PTPRD: variants seen among roughly 807,000 people sequenced by gnomAD.
The protein encoded by PTPRD is receptor-type tyrosine-protein phosphatase delta.
In PTPRD, 34 loss-of-function variants were observed where a neutral mutation model predicts 214.5. The observed-to-expected ratio is 0.16, with a 90% CI of 0.12 to 0.21. The LOEUF is 0.21. Ranked by LOEUF, PTPRD falls within the 10% of genes least tolerant of loss-of-function variation. The pLI is 1.00. For synonymous variants in PTPRD, 1,128 were observed against 845.7 expected (o/e 1.33, Z -5.79); for missense variants, 2,545 against 2,398.7 (o/e 1.06, Z -1.27).
intron 7 of PTPRD, among the ~76,000 whole-genome samples, chr9:9,648,600 G>A (rs970896340): frequency 1.3e-5 from 2 of 152,120 alleles, no homozygotes; most frequent in Non-Finnish European, 2.9e-5. Context: ...TCATGTGGGT[G>A]GTGATATATT....
chr9:10,344,896 C>T (rs1019570432), intron 2 of PTPRD, among the ~76,000 whole-genome samples: 1 of 152,134 alleles, frequency 6.6e-6, no homozygotes, highest in East Asian at 1.9e-4. Flanking sequence ...ATAATTTTCT[C>T]ATGCCTTGCT....
intron 3 of PTPRD, among the ~76,000 whole-genome samples, chr9:10,301,651 A>C (rs1041350633): frequency 1.3e-5 from 2 of 152,194 alleles, no homozygotes; most frequent in Admixed American, 1.3e-4. Flanking sequence ...AAACTGATCA[A>C]GGGGAAAAAA....
In PTPRD at chr9:8,463,308, CAAAAAAAAAAAAAAAA is replaced by C. The variant is rs71308864; in HGVS notation, c.3714+2142_3714+2157del. Reference sequence around the variant, plus strand: ...TATGTCCAAGCTTCTCAGAGGCAGCCAAAAAAAAAAAAAAAAAAAAAAAAAAGATGTGTATGGTATG... The same window carrying C: ...TATGTCCAAGCTTCTCAGAGGCAGCCAAAAAAAAAAGATGTGTATGGTATG... On this transcript the variant is annotated intron_variant, in intron 32 of 45. Coordinates refer to ENST00000381196, the MANE Select transcript of PTPRD (RefSeq NM_002839.4). Among the ~76,000 whole-genome samples, 198 of 28,866 alleles carry C rather than the reference CAAAAAAAAAAAAAAAA, an allele frequency of 6.9e-3. 5 individuals carry two copies. The East Asian group carries it at 0.15, about 21-fold the overall frequency. 18.9% of individuals were successfully genotyped at this position (28,866 alleles called of 152,430 possible).
chr9:8,318,801 T>C (rs1031719510), intron 45 of PTPRD, among the ~76,000 whole-genome samples: 5 of 151,990 alleles, frequency 3.3e-5, no homozygotes, highest in African/African-American at 1.2e-4. Context: ...AATTGAAGCA[T>C]TGTTGGAGAG....
chr9:10,209,210 T>C (rs1017791922), intron 3 of PTPRD, among the ~76,000 whole-genome samples: 1 of 152,058 alleles, frequency 6.6e-6, no homozygotes, highest in Non-Finnish European at 1.5e-5. Flanking sequence ...GAGTCCATAA[T>C]AGCAAGGATT....
chr9:8,326,212 T>A (rs992755814), intron 44 of PTPRD, among the ~76,000 whole-genome samples: 1 of 152,240 alleles, frequency 6.6e-6, no homozygotes, highest in South Asian at 2.1e-4. Flanking sequence ...GCGTTTGTCA[T>A]AAATAGCTCT....
Position 9,251,232 on chromosome 9 carries a change from G to A in PTPRD, c.-202-67869C>T, listed in dbSNP as rs182620869. ...TGGATCCAAGCCAGGTTGCCTTGCT[G>A]AGCATCATTGTGAGATTGACTGGCA... On this transcript the variant is annotated intron_variant, in intron 9 of 45. Coordinates refer to ENST00000381196, the MANE Select transcript of PTPRD (RefSeq NM_002839.4). Among the ~76,000 whole-genome samples the A allele has an allele frequency of 2.5e-3, 374 of 152,156 alleles. No individual in the cohort carries two copies. In the Middle Eastern group the frequency reaches 0.044, roughly 18 times the overall value.
chr9:9,215,747 T>A (rs1431380222), intron 9 of PTPRD, among the ~76,000 whole-genome samples: 1 of 152,186 alleles, frequency 6.6e-6, no homozygotes, highest in African/African-American at 2.4e-5. Context: ...CTTTCTTCAT[T>A]CCATCGTACA....
chr9:8,818,182 T>A (rs2096961253), intron 11 of PTPRD, among the ~76,000 whole-genome samples: 1 of 151,594 alleles, frequency 6.6e-6, no homozygotes, highest in Middle Eastern at 3.2e-3. Context: ...TTTAAAGCTT[T>A]GGAAAATATC....
chr9:10,193,378 TG>T (rs2099382655), intron 3 of PTPRD, among the ~76,000 whole-genome samples: 1 of 152,022 alleles, frequency 6.6e-6, no homozygotes, highest in African/African-American at 2.4e-5. Context: ...GCGGTTGGGC[TG>T]GGATGAAGGA....
At chr9:10,018,063 C>T (rs531270102) in intron 4 of PTPRD, among the ~76,000 whole-genome samples, 2 of 152,044 alleles carry the variant, frequency 1.3e-5, no homozygotes, top group African/African-American at 2.4e-5. Context: ...TGACTCTTTA[C>T]TTTTGATTAG....
intron 10 of PTPRD, among the ~76,000 whole-genome samples, chr9:9,170,766 A>C (rs1592845211): frequency 6.6e-6 from 1 of 152,220 alleles, no homozygotes; most frequent in African/African-American, 2.4e-5. Context: ...ACCTAGAGAA[A>C]CAAGTAGGAA....
intron 5 of PTPRD, among the ~76,000 whole-genome samples, chr9:9,857,297 G>T (rs2061738162): frequency 6.6e-6 from 1 of 152,164 alleles, no homozygotes; most frequent in Non-Finnish European, 1.5e-5. Flanking sequence ...CTTGTTACCA[G>T]GGTGTGAAGC....
rs1346677529 is a variant in PTPRD, at chr9:8,314,332, T to A, written c.*3542A>T. On this transcript the variant is annotated 3_prime_UTR_variant, in exon 46 of 46. Coordinates refer to ENST00000381196, the MANE Select transcript of PTPRD (RefSeq NM_002839.4). Reference sequence around the variant, plus strand: ...GAACTGATTTTCATACAGACTTCTTTCGCCACCAATGTAACGAAGTAAGAA... The same window carrying A: ...GAACTGATTTTCATACAGACTTCTTACGCCACCAATGTAACGAAGTAAGAA... The A allele has an allele frequency of 4.4e-6, 1 of 226,744 alleles. No homozygotes were observed. The highest frequency in any genetic ancestry group is 8.8e-6 in the Non-Finnish European group (1 of 113,660). 14.0% of individuals were successfully genotyped at this position (226,744 alleles called of 1,614,324 possible).
At chr9:8,977,017 C>T (rs2099271691) in intron 11 of PTPRD, among the ~76,000 whole-genome samples, 1 of 152,054 alleles carries the variant, frequency 6.6e-6, no homozygotes, top group Non-Finnish European at 1.5e-5. Flanking sequence ...CAAAAATGAA[C>T]TCTTTAAATC....
intron 3 of PTPRD, among the ~76,000 whole-genome samples, chr9:10,237,482 T>A (rs1389842338): frequency 6.6e-6 from 1 of 151,962 alleles, no homozygotes; most frequent in Non-Finnish European, 1.5e-5. Context: ...GAAGGAAGAC[T>A]GTTGACAATT....
At chr9:9,242,729 G>C (rs932505850) in intron 9 of PTPRD, among the ~76,000 whole-genome samples, 2 of 152,012 alleles carry the variant, frequency 1.3e-5, no homozygotes, top group African/African-American at 4.8e-5. Context: ...GGTTATTCTA[G>C]TTAGCCATTC....
chr9:8,580,973 CCT>C (rs1317149944), intron 14 of PTPRD, among the ~76,000 whole-genome samples: 3 of 151,974 alleles, frequency 2.0e-5, no homozygotes, highest in South Asian at 4.2e-4. Context: ...TTGCAAATGC[CCT>C]AATTTTCAAT....
chr9:8,750,865 G>C (rs559130632), intron 11 of PTPRD, among the ~76,000 whole-genome samples: 1 of 152,172 alleles, frequency 6.6e-6, no homozygotes, highest in Non-Finnish European at 1.5e-5. Flanking sequence ...GCTATGGAGT[G>C]ACACGGTCTG....
Sources: allele counts gnomAD v4.1 joint callset (sites outside exome capture counted in the v4.1 genomes callset), GRCh38; gene constraint gnomAD v4.1.1; transcripts MANE v1.5; gene names NCBI Gene and HGNC (gene_info 2026-07-23, HGNC 2026-07-21).